KNOP1: variants seen among roughly 807,000 people sequenced by gnomAD.
KNOP1 encodes the protein lysine rich nucleolar protein 1, also known as lysine-rich nucleolar protein 1.
KNOP1 carries 20 observed loss-of-function variants against 30.6 expected under a neutral mutation model. The ratio of observed to expected loss-of-function variants is 0.65; its 90% CI spans 0.46 to 0.95. The LOEUF is 0.95. KNOP1 is among the 40% of genes least tolerant of loss of function. The probability of loss-of-function intolerance (pLI) is 0.00; values close to 1 mark genes in which losing one functional copy is unlikely to be tolerated. For missense variants in KNOP1, 540 were observed against 562.0 expected (o/e 0.96, Z 0.40); for synonymous variants, 204 against 210.0 (o/e 0.97, Z 0.25).
Position 19,710,551 on chromosome 16 carries a change from G to T in KNOP1, c.1023C>A (p.Arg341=). The change falls in exon 4 of 5, where the codon CGC becomes CGA. Residue 341 remains arginine, a synonymous_variant. Coordinates refer to ENST00000219837, the MANE Select transcript of KNOP1 (RefSeq NM_001012991.3). ...CAGAAGCTTCCGTTTTGCCTGACTCGCGATCGATCTCTTCTTGCAAGGCCT... is the reference window on the plus strand; with the variant it reads ...CAGAAGCTTCCGTTTTGCCTGACTCTCGATCGATCTCTTCTTGCAAGGCCT... ...RRKALQEEID[R]ESGKTEASET... is the part of the protein sequence containing the mutation. The T allele has an allele frequency of 6.2e-7, 1 of 1,612,430 alleles. No homozygotes were observed. Among genetic ancestry groups the T allele is most frequent in the South Asian group, 1.1e-5 (1 of 90,998 alleles).
chr16:19,706,759 T>C lies in KNOP1; in HGVS notation c.*151A>G. On this transcript the variant is annotated 3_prime_UTR_variant, in exon 5 of 5. Transcript: ENST00000219837. Reference sequence around the variant, plus strand: ...CCATTTATGCCTAGTGTTCCATTACTGGAACGCTAAGCTTATGGGAGTTAT... The same window carrying C: ...CCATTTATGCCTAGTGTTCCATTACCGGAACGCTAAGCTTATGGGAGTTAT... The C allele has an allele frequency of 1.3e-6, 1 of 783,106 alleles. No homozygotes were observed. The highest frequency in any genetic ancestry group is 1.7e-5 in the African/African-American group (1 of 57,886). 48.5% of individuals were successfully genotyped at this position (783,106 alleles called of 1,614,324 possible). A position where few individuals can be genotyped will look rare whatever the true frequency, so the allele number is the denominator to read the frequency against.
Position 19,714,520 on chromosome 16 carries a change from A to C in KNOP1, c.516T>G (p.Cys172Trp), listed in dbSNP as rs1317887970. The C allele has an allele frequency of 4.3e-6, 7 of 1,613,584 alleles. No homozygotes were observed. The highest frequency in any genetic ancestry group is 1.3e-5 in the African/African-American group (1 of 74,730). The change falls in exon 2 of 5, where the codon TGT becomes TGG. Residue 172 changes from cysteine to tryptophan, a missense_variant. Physicochemically the swap from Cys to Trp is radical, Grantham distance 215. Transcript: ENST00000219837. ...CAACATCCCTGGCCTCCCTGGCCTC[A>C]CAGAACCAAGGGTCCTGGACCGAGA... ...TAFSVQDPWF[C>W]EAREARDVGD...
intron 1 of KNOP1, chr16:19,717,594 C>T: frequency 1.0e-6 from 1 of 985,502 alleles, no homozygotes; most frequent in Non-Finnish European, 1.2e-6. Flanking sequence ...TTTAGCCCTG[C>T]GACCAAATGC....
At chr16:19,707,970 T>G (rs1465764132) in intron 4 of KNOP1, among the ~76,000 whole-genome samples, 1 of 68,078 alleles carries the variant, frequency 1.5e-5, no homozygotes, top group Non-Finnish European at 2.7e-5. Context: ...TCCCCCCACC[T>G]CCCTACACAG....
chr16:19,713,904 T>A (rs1490925839), intron 2 of KNOP1, among the ~76,000 whole-genome samples: 1 of 152,316 alleles, frequency 6.6e-6, no homozygotes, highest in East Asian at 1.9e-4. Flanking sequence ...CATGAGCCCC[T>A]AGATCCAGCC....
rs749595943 is a variant in KNOP1, at chr16:19,714,130, G to T, written c.906C>A (p.Asp302Glu). ...AAGGAAAAACTACCTCCTTCCAAGG[G>T]TCTCCTGCTACCCCACTCTCTTTCC... ...KKRKESGVAG[D>E]PWKEETDTDL... The change falls in exon 2 of 5, where the codon GAC becomes GAA. Residue 302 changes from aspartate to glutamate, a missense_variant. Coordinates refer to ENST00000219837, the MANE Select transcript of KNOP1 (RefSeq NM_001012991.3). The T allele has an allele frequency of 2.5e-6, 4 of 1,610,308 alleles. No homozygotes were observed. In the African/African-American group the frequency reaches 4.0e-5, roughly 16 times the overall value.
Position 19,706,752 on chromosome 16 carries a change from C to T in KNOP1, c.*158G>A. 1.3e-6 allele frequency: 1 copy of T among 746,712 alleles called. No homozygotes were observed. Among genetic ancestry groups the T allele is most frequent in the East Asian group, 2.5e-5 (1 of 40,218 alleles). 46.3% of individuals were successfully genotyped at this position (746,712 alleles called of 1,614,324 possible). A position where few individuals can be genotyped will look rare whatever the true frequency, so the allele number is the denominator to read the frequency against. ...GAATAAACCATTTATGCCTAGTGTT[C>T]CATTACTGGAACGCTAAGCTTATGG... On this transcript the variant is annotated 3_prime_UTR_variant, in exon 5 of 5. Transcript: ENST00000219837.
chr16:19,705,160 A>G lies in KNOP1; in HGVS notation c.*1750T>C, dbSNP rs972587908. The stretch of plus-strand genomic sequence containing the variant: ...GAACTGTTACTGCCATCTTTGTACT[A>G]GCCTTGATGAAGCCAACACTGGAGA... On this transcript the variant is annotated 3_prime_UTR_variant, in exon 5 of 5. Coordinates refer to ENST00000219837, the MANE Select transcript of KNOP1 (RefSeq NM_001012991.3). 6.6e-6 allele frequency: 3 copies of G among 455,940 alleles called. No individual in the cohort carries two copies. Among genetic ancestry groups the G allele is most frequent in the African/African-American group, 6.0e-5 (3 of 50,064 alleles). 28.2% of individuals were successfully genotyped at this position (455,940 alleles called of 1,614,324 possible).
intron 1 of KNOP1, 168 bp from the exon 2 acceptor site, chr16:19,715,205 C>T (rs925880012): frequency 1.6e-5 from 8 of 509,632 alleles, no homozygotes; most frequent in South Asian, 1.5e-4. Flanking sequence ...ACAGAAACAG[C>T]GTAAATTTTA....
intron 2 of KNOP1, chr16:19,711,679 CA>C (rs1361813109): frequency 7.3e-6 from 4 of 544,392 alleles, no homozygotes; most frequent in African/African-American, 1.9e-5. Context: ...AACTGAGACT[CA>C]GACAGGTAAA....
chr16:19,707,283 C>A, intron 4 of KNOP1, 62 bp from the exon 5 acceptor site: 1 of 1,414,218 alleles, frequency 7.1e-7, no homozygotes, highest in African/African-American at 1.4e-5. Context: ...CTTCCCTTGA[C>A]CCCCACCCTC....
At position 19,704,596 on chromosome 16, in the gene KNOP1, A is replaced by G. The variant is rs1790373128; in HGVS notation, c.*2314T>C. On this transcript the variant is annotated 3_prime_UTR_variant, in exon 5 of 5. Transcript: ENST00000219837. ...ACCGTGAGACTCCATCTCAAAAAAA[A>G]AGAAACGAACGGCTGGTTCCTGTTT... 6.6e-6 allele frequency: 1 copy of G among 152,264 alleles called. No homozygotes were observed. Among genetic ancestry groups the G allele is most frequent in the African/African-American group, 2.4e-5 (1 of 41,446 alleles). 9.4% of individuals were successfully genotyped at this position (152,264 alleles called of 1,614,324 possible).
chr16:19,715,083 T>C, intron 1 of KNOP1, 46 bp from the exon 2 acceptor site: 1 of 1,388,856 alleles, frequency 7.2e-7, no homozygotes, highest in Non-Finnish European at 9.7e-7. Flanking sequence ...AGCCATCCTG[T>C]GTTCAATTCT....
At chr16:19,717,974 GCT>G in intron 1 of KNOP1, 182 bp downstream of exon 1, 1 of 1,278,258 alleles carries the variant, frequency 7.8e-7, no homozygotes, top group South Asian at 1.6e-5. Flanking sequence ...CCCAGGGCCG[GCT>G]CTGAGGCGGG....
intron 4 of KNOP1, among the ~76,000 whole-genome samples, chr16:19,708,601 C>T (rs538819207): frequency 6.6e-6 from 1 of 152,302 alleles, no homozygotes; most frequent in East Asian, 1.9e-4. Flanking sequence ...CTCCCCCTAC[C>T]CCAACCAGAC....
intron 4 of KNOP1, among the ~76,000 whole-genome samples, chr16:19,709,651 C>A (rs1169276699): frequency 1.3e-5 from 2 of 152,182 alleles, no homozygotes; most frequent in Non-Finnish European, 2.9e-5. Context: ...CAGGCCCTTT[C>A]CTACCTTAGG....
chr16:19,711,552 G>A (rs192266835), intron 2 of KNOP1, 112 bp from the exon 3 acceptor site: 6 of 947,566 alleles, frequency 6.3e-6, no homozygotes, highest in East Asian at 2.4e-5. Context: ...CTCAGACCAC[G>A]GCATCACCCC....
chr16:19,711,482 T>C, intron 2 of KNOP1, 42 bp from the exon 3 acceptor site: 1 of 1,592,112 alleles, frequency 6.3e-7, no homozygotes, highest in Non-Finnish European at 8.6e-7. Flanking sequence ...AAGTTTACAA[T>C]GAATGGCCTC....
chr16:19,710,343 A>G, intron 4 of KNOP1, 166 bp downstream of exon 4: 1 of 703,780 alleles, frequency 1.4e-6, no homozygotes, highest in South Asian at 1.6e-5. Flanking sequence ...GAAGGAAATT[A>G]GCTCAGGACA....
Sources: allele counts gnomAD v4.1 joint callset (sites outside exome capture counted in the v4.1 genomes callset), GRCh38; gene constraint gnomAD v4.1.1; transcripts MANE v1.5; gene names NCBI Gene and HGNC (gene_info 2026-07-23, HGNC 2026-07-21).